ZDHHC21: variants seen among roughly 807,000 people sequenced by gnomAD.
ZDHHC21 encodes palmitoyltransferase ZDHHC21.
Under a neutral mutation model 34.6 loss-of-function variants are expected in ZDHHC21, and 15 were observed. The observed-to-expected ratio is 0.43, with a 90% CI of 0.29 to 0.67. The LOEUF (loss-of-function observed/expected upper bound fraction) is 0.67, where lower values mean the gene tolerates loss of function less well. Ranked by LOEUF, ZDHHC21 falls within the 30% of genes least tolerant of loss-of-function variation. The pLI, the probability that ZDHHC21 is intolerant of heterozygous loss-of-function variation, is 0.14. For synonymous variants in ZDHHC21, 142 were observed against 101.8 expected, an observed-to-expected ratio of 1.40 and a Z score of -2.38; for missense variants, 344 against 327.7, an observed-to-expected ratio of 1.05 and a Z score of -0.38.
chr9:14,693,268 G>A lies in ZDHHC21; in HGVS notation c.-264C>T, dbSNP rs955305846. On this transcript the variant is annotated 5_prime_UTR_variant, in exon 1 of 10. Transcript: ENST00000380916. ...CGCCTCTCGCTGCCGCCGCTCTCCC[G>A]ACCGCCAGCAGCTCTTTCCCCTCCT... 1.2e-5 allele frequency: 5 copies of A among 415,596 alleles called. No homozygotes were observed. The highest frequency in any genetic ancestry group is 2.4e-5 in the Non-Finnish European group (5 of 210,940). 25.7% of individuals were successfully genotyped at this position (415,596 alleles called of 1,614,324 possible). A position where few individuals can be genotyped will look rare whatever the true frequency, so the allele number is the denominator to read the frequency against.
intron 8 of ZDHHC21, among the ~76,000 whole-genome samples, chr9:14,622,229 T>C (rs1323502358): frequency 6.6e-6 from 1 of 152,102 alleles, no homozygotes; most frequent in Non-Finnish European, 1.5e-5. Context: ...AACTGGATGT[T>C]CTTAAAAATA....
intron 5 of ZDHHC21, among the ~76,000 whole-genome samples, chr9:14,663,992 T>C (rs897832668): frequency 6.6e-6 from 1 of 152,098 alleles, no homozygotes; most frequent in South Asian, 2.1e-4. Context: ...AAACTTTGAA[T>C]TCGGGGGGAG....
chr9:14,675,335 T>TATA (rs767256176), intron 3 of ZDHHC21, among the ~76,000 whole-genome samples: 29 of 152,046 alleles, frequency 1.9e-4, no homozygotes, highest in Non-Finnish European at 4.0e-4. Flanking sequence ...AATACAATGG[T>TATA]ATAATAATAA....
the ZDHHC21 span, among the ~76,000 whole-genome samples, chr9:14,592,747 A>T: frequency 2.6e-5 from 4 of 152,186 alleles, no homozygotes; most frequent in African/African-American, 9.6e-5. Context: ...AAAATTGTTC[A>T]AGATACATCA....
chr9:14,649,716 T>C (rs375394264), intron 7 of ZDHHC21, among the ~76,000 whole-genome samples: 11 of 152,216 alleles, frequency 7.2e-5, no homozygotes, highest in South Asian at 4.1e-4. Context: ...ATGTATGCAA[T>C]TGTCTTACAG....
At chr9:14,609,977 C>T (rs1290249854), downstream of ZDHHC21, among the ~76,000 whole-genome samples, 1 of 152,048 alleles carries the variant, frequency 6.6e-6, no homozygotes, top group African/African-American at 2.4e-5. Flanking sequence ...ATCCAACTTT[C>T]TTCTATGAAG....
intron 7 of ZDHHC21, among the ~76,000 whole-genome samples, chr9:14,645,924 T>C (rs1240528140): frequency 6.6e-6 from 1 of 152,120 alleles, no homozygotes. Context: ...AGTAAGGATA[T>C]GAGGCCATCA....
intron 8 of ZDHHC21, among the ~76,000 whole-genome samples, chr9:14,636,259 A>C (rs1369368330): frequency 6.6e-6 from 1 of 152,346 alleles, no homozygotes; most frequent in East Asian, 1.9e-4. Context: ...AGTAAGCTGG[A>C]ATAGCTAGCT....
At chr9:14,623,442 T>C (rs78099625) in intron 8 of ZDHHC21, among the ~76,000 whole-genome samples, 9,187 of 151,968 alleles carry the variant, frequency 0.06, 923 homozygotes, top group African/African-American at 0.21. Flanking sequence ...GGTGGGAGGT[T>C]TGCTTGAGCC....
At chr9:14,658,078 T>C (rs1005928090) in intron 7 of ZDHHC21, among the ~76,000 whole-genome samples, 1 of 152,208 alleles carries the variant, frequency 6.6e-6, no homozygotes, top group Non-Finnish European at 1.5e-5. Flanking sequence ...AAAAGTTCTC[T>C]TTCTCAAGAA....
chr9:14,654,132 T>C (rs1299926834), intron 7 of ZDHHC21, among the ~76,000 whole-genome samples: 1 of 151,990 alleles, frequency 6.6e-6, no homozygotes, highest in Non-Finnish European at 1.5e-5. Context: ...AAACAGTAAC[T>C]GTAGGGCACA....
At position 14,656,156 on chromosome 9, in the gene ZDHHC21, G is replaced by A. The variant is rs138097140; in HGVS notation, c.504+2593C>T. Among the ~76,000 whole-genome samples, 178 of 151,920 alleles carry A rather than the reference G, an allele frequency of 1.2e-3. 1 individual carries two copies. The highest frequency in any genetic ancestry group is 4.0e-3 in the African/African-American group (167 of 41,546). On this transcript the variant is annotated intron_variant, in intron 7 of 9. Transcript: ENST00000380916. The stretch of plus-strand genomic sequence containing the variant: ...AACTTCTAAATCAATGAAATGACTG[G>A]AATTCATTTCAATGTATATTGACTA...
intron 8 of ZDHHC21, among the ~76,000 whole-genome samples, chr9:14,636,453 T>C (rs1427415088): frequency 2.6e-5 from 4 of 152,194 alleles, no homozygotes; most frequent in African/African-American, 9.6e-5. Flanking sequence ...TCTAATACAG[T>C]AATAGTTGAG....
chr9:14,594,959 A>C, the ZDHHC21 span, among the ~76,000 whole-genome samples: 2 of 152,216 alleles, frequency 1.3e-5, no homozygotes, highest in Non-Finnish European at 2.9e-5. Context: ...AGAATGTCAA[A>C]TTAAAACCGC....
intron 2 of ZDHHC21, chr9:14,683,580 G>T (rs901966769): frequency 3.3e-5 from 5 of 152,048 alleles, no homozygotes; most frequent in African/African-American, 1.2e-4. Context: ...CCAAAAAAAA[G>T]TCCAGGACCA....
chr9:14,669,188 C>A (rs1397431739), intron 5 of ZDHHC21, among the ~76,000 whole-genome samples: 1 of 133,366 alleles, frequency 7.5e-6, no homozygotes, highest in African/African-American at 2.8e-5. Context: ...AAAAAGTGGG[C>A]GAAGGACATG....
At chr9:14,644,947 G>A (rs1274264660) in intron 7 of ZDHHC21, among the ~76,000 whole-genome samples, 1 of 151,928 alleles carries the variant, frequency 6.6e-6, no homozygotes, top group Non-Finnish European at 1.5e-5. Context: ...TATAAACAGA[G>A]CAAGGTAGGA....
chr9:14,589,341 T>G, the ZDHHC21 span: 2 of 152,190 alleles, frequency 1.3e-5, no homozygotes, highest in Non-Finnish European at 2.9e-5. Flanking sequence ...ACAGGTGGTA[T>G]AGTACTACTA....
intron 3 of ZDHHC21, among the ~76,000 whole-genome samples, chr9:14,674,755 T>G (rs1836059944): frequency 6.6e-6 from 1 of 151,936 alleles, no homozygotes; most frequent in South Asian, 2.1e-4. Context: ...CACCAAAAGA[T>G]TATGTACAAA....
Sources: allele counts gnomAD v4.1 joint callset (sites outside exome capture counted in the v4.1 genomes callset), GRCh38; gene constraint gnomAD v4.1.1; transcripts MANE v1.5; gene names NCBI Gene and HGNC (gene_info 2026-07-23, HGNC 2026-07-21).